The following NPAS3 variants were observed in gnomAD, a reference collection of about 807,000 sequenced individuals.
NPAS3 encodes neuronal PAS domain protein 3.
Under a neutral mutation model 73.1 loss-of-function variants are expected in NPAS3, and 14 were observed. The observed-to-expected ratio is 0.19, with a 90% CI of 0.13 to 0.30. The LOEUF (loss-of-function observed/expected upper bound fraction) is 0.30, where lower values mean the gene tolerates loss of function less well. Ranked by LOEUF, NPAS3 falls within the 10% of genes least tolerant of loss-of-function variation. The pLI, the probability that NPAS3 is intolerant of heterozygous loss-of-function variation, is 1.00. For missense variants in NPAS3, 1,096 were observed against 1,250.0 expected (o/e 0.88, Z 1.86); for synonymous variants, 620 against 541.5 (o/e 1.14, Z -2.01).
At chr14:33,087,216 T>TATTGTACAA (rs1410490075) in intron 2 of NPAS3, among the ~76,000 whole-genome samples, 3 of 103,318 alleles carry the variant, frequency 2.9e-5, no homozygotes, top group East Asian at 2.3e-4. Context: ...AGTATTATTA[T>TATTGTACAA]TATTGTATAA....
rs568141017 is a variant in NPAS3, at chr14:33,712,971, A to G, written c.734-22243A>G. On this transcript the variant is annotated intron_variant, in intron 6 of 11. Coordinates refer to ENST00000356141, the Ensembl canonical transcript of NPAS3. ...CTCATCAACAGGAGGCACTTTCTCT[A>G]TGCTGTGTGGGGTCATTTTGCCATA... 7.2e-5 allele frequency among the ~76,000 whole-genome samples: 11 copies of G among 152,244 alleles called. No homozygotes were observed. The South Asian group carries it at 2.1e-3, about 29-fold the overall frequency.
chr14:33,696,764 T>G (rs2060393976), intron 6 of NPAS3, among the ~76,000 whole-genome samples: 1 of 152,190 alleles, frequency 6.6e-6, no homozygotes, highest in Non-Finnish European at 1.5e-5. Context: ...GTAAGAAAAT[T>G]CAGTATGTTT....
intron 2 of NPAS3, among the ~76,000 whole-genome samples, chr14:33,171,164 C>T (rs997133220): frequency 3.3e-5 from 5 of 152,136 alleles, no homozygotes; most frequent in African/African-American, 9.7e-5. Context: ...CTTGGGTGAC[C>T]GAGTGCATTG....
At chr14:33,199,182 G>A (rs967145261) in intron 2 of NPAS3, among the ~76,000 whole-genome samples, 1 of 152,202 alleles carries the variant, frequency 6.6e-6, no homozygotes, top group African/African-American at 2.4e-5. Context: ...CCAGAGAGGG[G>A]TTCCCACAGT....
rs8010728 is a variant in NPAS3 at position 33,793,892 on chromosome 14, G to T, written c.1154-5G>T. 16 of 1,589,548 alleles carry T rather than the reference G, an allele frequency of 1.0e-5. No individual in the cohort carries two copies. The Admixed American group carries it at 2.4e-4, about 23-fold the overall frequency. On this transcript the variant is annotated splice_polypyrimidine_tract_variant and splice_region_variant and intron_variant, in intron 9 of 11. Coordinates refer to ENST00000356141, the Ensembl canonical transcript of NPAS3. ...CAATGCCTCTGTTTTGTTTTTTTTC[G>T]CCAGTGCTGAATAAGGGTCAGTGTG...
intron 1 of NPAS3, among the ~76,000 whole-genome samples, chr14:32,955,641 G>C (rs2036644354): frequency 6.6e-6 from 1 of 151,992 alleles, no homozygotes; most frequent in African/African-American, 2.4e-5. Flanking sequence ...CTTTCTAGAA[G>C]GGAACAAATT....
chr14:33,661,924 T>C (rs1386672855), intron 5 of NPAS3, among the ~76,000 whole-genome samples: 3 of 152,250 alleles, frequency 2.0e-5, no homozygotes, highest in South Asian at 2.1e-4. Context: ...ATTTTTGCTC[T>C]TCTGTTGGCT....
At chr14:32,946,522 G>A (rs17524403) in intron 1 of NPAS3, among the ~76,000 whole-genome samples, 49,254 of 151,858 alleles carry the variant, frequency 0.32, 8,649 homozygotes, top group Middle Eastern at 0.48. Flanking sequence ...GTGTGATGTG[G>A]GTGTTCATTG....
chr14:33,250,850 G>A (rs1303182007), intron 3 of NPAS3, among the ~76,000 whole-genome samples: 1 of 152,036 alleles, frequency 6.6e-6, no homozygotes, highest in East Asian at 1.9e-4. Flanking sequence ...TGCATACTTG[G>A]TTGCATAAAT....
At chr14:33,492,025 G>A (rs907371926) in intron 4 of NPAS3, among the ~76,000 whole-genome samples, 2 of 152,138 alleles carry the variant, frequency 1.3e-5, no homozygotes, top group Non-Finnish European at 2.9e-5. Flanking sequence ...TGAGGCTACA[G>A]TTTGAGTTTT....
chr14:33,657,272 C>G (rs555866010), intron 5 of NPAS3, among the ~76,000 whole-genome samples: 1 of 152,106 alleles, frequency 6.6e-6, no homozygotes, highest in Non-Finnish European at 1.5e-5. Flanking sequence ...ATGATAACAA[C>G]ACAGGGTCCC....
intron 4 of NPAS3, among the ~76,000 whole-genome samples, chr14:33,559,504 A>G (rs2055530371): frequency 6.6e-6 from 1 of 152,168 alleles, no homozygotes; most frequent in African/African-American, 2.4e-5. Context: ...ATTTAATCTC[A>G]GTAACCACTG....
At chr14:32,975,842 A>T (rs1015774852) in intron 1 of NPAS3, among the ~76,000 whole-genome samples, 9 of 146,204 alleles carry the variant, frequency 6.2e-5, no homozygotes, top group African/African-American at 2.3e-4. Flanking sequence ...GTAATTTGTG[A>T]TTGTTGGTGG....
chr14:33,747,465 T>C (rs1378563092), intron 7 of NPAS3, among the ~76,000 whole-genome samples: 1 of 152,220 alleles, frequency 6.6e-6, no homozygotes, highest in Non-Finnish European at 1.5e-5. Context: ...ATCTGTCCCA[T>C]CCCTCTAGGG....
chr14:33,024,746 C>T (rs1484300453), intron 1 of NPAS3, among the ~76,000 whole-genome samples: 1 of 152,142 alleles, frequency 6.6e-6, no homozygotes, highest in East Asian at 1.9e-4. Flanking sequence ...TTCACATAGG[C>T]TAATTCTGAA....
chr14:33,445,903 T>G (rs1016462779), intron 4 of NPAS3, among the ~76,000 whole-genome samples: 11 of 150,908 alleles, frequency 7.3e-5, no homozygotes, highest in Non-Finnish European at 1.5e-4. Flanking sequence ...CTGAGGCCTG[T>G]GCCTCTTCTT....
At chr14:32,955,798 G>C (rs17099748) in intron 1 of NPAS3, among the ~76,000 whole-genome samples, 48,909 of 151,888 alleles carry the variant, frequency 0.32, 8,720 homozygotes, top group African/African-American at 0.47. Context: ...AAATCTACAA[G>C]CACGCATAAC....
At chr14:33,358,025 C>T (rs1040902508) in intron 3 of NPAS3, among the ~76,000 whole-genome samples, 3 of 152,166 alleles carry the variant, frequency 2.0e-5, no homozygotes, top group Non-Finnish European at 4.4e-5. Context: ...TGTGACCCCT[C>T]CCATTGAGCT....
upstream of NPAS3, among the ~76,000 whole-genome samples, chr14:32,938,497 G>A (rs1335835886): frequency 9.2e-6 from 1 of 108,464 alleles, no homozygotes; most frequent in African/African-American, 4.1e-5. Context: ...GAGAGAGAGA[G>A]AGAGAGAGAG....
Sources: allele counts gnomAD v4.1 joint callset (sites outside exome capture counted in the v4.1 genomes callset), GRCh38; gene constraint gnomAD v4.1.1; transcripts MANE v1.5; gene names NCBI Gene and HGNC (gene_info 2026-07-23, HGNC 2026-07-21).